LOXL2: variants seen among roughly 807,000 people sequenced by gnomAD.
LOXL2 encodes lysyl oxidase like 2.
LOXL2 carries 70 observed loss-of-function variants against 93.0 expected under a neutral mutation model. The ratio of observed to expected loss-of-function variants is 0.75; its 90% CI spans 0.62 to 0.92. LOXL2 has a LOEUF of 0.92. Ranked by LOEUF, LOXL2 falls within the 40% of genes least tolerant of loss-of-function variation. LOXL2 has a pLI of 0.00. For missense variants in LOXL2, 973 were observed against 1,054.9 expected, an observed-to-expected ratio of 0.92 and a Z score of 1.08; for synonymous variants, 438 against 413.2, an observed-to-expected ratio of 1.06 and a Z score of -0.73.
At chr8:23,301,898 G>A in intron 12 of LOXL2, 129 bp downstream of exon 12, 1 of 1,143,716 alleles carries the variant, frequency 8.7e-7, no homozygotes. Context: ...ATGGCCTCTG[G>A]GGGTAGCACC....
chr8:23,357,076 T>G (rs78575657), intron 3 of LOXL2, among the ~76,000 whole-genome samples: 2 of 148,084 alleles, frequency 1.4e-5, no homozygotes, highest in Admixed American at 1.3e-4. Context: ...CAGTCTTCTT[T>G]TTTTTTTTTT....
intron 10 of LOXL2, among the ~76,000 whole-genome samples, chr8:23,305,935 C>T (rs1803223254): frequency 1.3e-5 from 2 of 152,022 alleles, no homozygotes; most frequent in South Asian, 4.2e-4. Flanking sequence ...CCTCAGCCTC[C>T]CGAGTAGCTG....
At chr8:23,402,186 T>A (rs1800160142) in intron 1 of LOXL2, among the ~76,000 whole-genome samples, 1 of 151,886 alleles carries the variant, frequency 6.6e-6, no homozygotes, top group African/African-American at 2.4e-5. Context: ...CACACACACG[T>A]GCCCGCGCAC....
At chr8:23,303,441 A>G (rs1470763697) in intron 10 of LOXL2, 44 bp from the exon 11 acceptor site, 3 of 1,170,162 alleles carry the variant, frequency 2.6e-6, no homozygotes. Context: ...TTCTGGAGCA[A>G]CTGCTGCTTG....
chr8:23,403,243 C>G (rs6987615), intron 1 of LOXL2, among the ~76,000 whole-genome samples: 13,253 of 152,196 alleles, frequency 0.087, 611 homozygotes, highest in South Asian at 0.17. Flanking sequence ...CGTGCCCGTT[C>G]TTTCCAACTC....
rs181447383 is a variant in LOXL2, at chr8:23,303,935, G to T, written c.1881-538C>A. Among the ~76,000 whole-genome samples the T allele has an allele frequency of 2.4e-3, 361 of 152,354 alleles. 2 individuals carry two copies. The highest frequency in any genetic ancestry group is 0.013 in the South Asian group (64 of 4,830). On this transcript the variant is annotated intron_variant, in intron 10 of 13. Transcript: ENST00000389131. Reference sequence around the variant, plus strand: ...GGAATAGAACATGTGCCCTGCACAGGACACACACAGGTACCCCAAGGTCGT... The same window carrying T: ...GGAATAGAACATGTGCCCTGCACAGTACACACACAGGTACCCCAAGGTCGT...
Position 23,366,939 on chromosome 8 carries a change from G to A in LOXL2, c.355+1058C>T, listed in dbSNP as rs78371177. On this transcript the variant is annotated intron_variant, in intron 2 of 13. Coordinates refer to ENST00000389131, the MANE Select transcript of LOXL2 (RefSeq NM_002318.3). ...GAAAATGAGGCTGGAGAGGACATGC[G>A]TCTTCCTACAAAGTGTGGTGTCAGA... Among the ~76,000 whole-genome samples, 1,078 of 152,318 alleles carry A rather than the reference G, an allele frequency of 7.1e-3. 45 individuals carry two copies. The highest frequency in any genetic ancestry group is 0.055 in the Admixed American group (834 of 15,294).
At chr8:23,381,857 G>A (rs912361867) in intron 1 of LOXL2, among the ~76,000 whole-genome samples, 7 of 152,198 alleles carry the variant, frequency 4.6e-5, no homozygotes, top group African/African-American at 1.7e-4. Flanking sequence ...CACGTAACTG[G>A]GTGTTATAGG....
rs1196423417 is a variant in LOXL2, at chr8:23,298,063, T to G, written c.2305A>C (p.Asn769His). 3.1e-6 allele frequency: 5 copies of G among 1,613,906 alleles called. No individual in the cohort carries two copies. Among genetic ancestry groups the G allele is most frequent in the Non-Finnish European group, 4.2e-6 (5 of 1,180,006 alleles). The change falls in exon 14 of 14, where the codon AAC becomes CAC. Residue 769 changes from asparagine to histidine, a missense_variant. Physicochemically the swap from Asn to His is moderately conservative, Grantham distance 68. Transcript: ENST00000389131. ...KFEHFSGLLN[N>H]QLSPQ ...CTTCTTTACTGCGGGGACAGCTGGT[T>G]GTTTAAGAGCCCGCTGAAGTGCTCA...
chr8:23,317,143 G>GA lies in LOXL2; in HGVS notation c.1471-30_1471-29insT, dbSNP rs200898540. The GA allele has an allele frequency of 8.1e-4, 1,307 of 1,608,094 alleles. 9 individuals carry two copies. In the African/African-American group the frequency reaches 0.014, roughly 17 times the overall value. On this transcript the variant is annotated intron_variant, in intron 8 of 13. Coordinates refer to ENST00000389131, the MANE Select transcript of LOXL2 (RefSeq NM_002318.3). Reference sequence around the variant, plus strand: ...GAAGAACCAACAAAACAAATGGTGGGTACATCATCTCAAACTGTCACTTTC... The same window carrying GA: ...GAAGAACCAACAAAACAAATGGTGGGATACATCATCTCAAACTGTCACTTTC...
intron 3 of LOXL2, among the ~76,000 whole-genome samples, chr8:23,353,306 G>C (rs1358206684): frequency 6.6e-6 from 1 of 152,170 alleles, no homozygotes; most frequent in African/African-American, 2.4e-5. Flanking sequence ...GGCTCTGTTT[G>C]CCAGGTTTAA....
chr8:23,376,018 G>T (rs1029431579), intron 1 of LOXL2, among the ~76,000 whole-genome samples: 7 of 152,136 alleles, frequency 4.6e-5, no homozygotes, highest in African/African-American at 1.7e-4. Flanking sequence ...TCTTGTGCCA[G>T]TTTTCAAAGG....
At position 23,297,724 on chromosome 8, in the gene LOXL2, TG is replaced by T; in HGVS notation, c.*318del. On this transcript the variant is annotated 3_prime_UTR_variant, in exon 14 of 14. Transcript: ENST00000389131. ...TGTGTCTGTGGTGAGCTCGGTGGCT[TG>T]AATGGGACAAGCTGATGACAACCTG... 2 of 212,326 alleles carry T rather than the reference TG, an allele frequency of 9.4e-6. No homozygotes were observed. Among genetic ancestry groups the T allele is most frequent in the South Asian group, 1.4e-4 (1 of 7,014 alleles). The allele number at this position is 212,326 out of a possible 1,614,324, so 13.2% of individuals were successfully genotyped here.
intron 1 of LOXL2, among the ~76,000 whole-genome samples, chr8:23,370,457 A>G (rs2117215896): frequency 6.6e-6 from 1 of 152,338 alleles, no homozygotes; most frequent in South Asian, 2.1e-4. Context: ...CTGCTCAGCA[A>G]CACATCTGCC....
At chr8:23,401,421 A>G (rs1184514050) in intron 1 of LOXL2, among the ~76,000 whole-genome samples, 2 of 152,202 alleles carry the variant, frequency 1.3e-5, no homozygotes, top group Non-Finnish European at 2.9e-5. Flanking sequence ...AGGTCTAAAT[A>G]TGGCATCATA....
rs532749252 is a variant in LOXL2, at chr8:23,330,143, G to A, written c.967-1578C>T. ...GATTGAGACCATCCTGGCTAACATG[G>A]TGAAACCCCGTCTCTACTAAAAAAC... On this transcript the variant is annotated intron_variant, in intron 5 of 13. Transcript: ENST00000389131. Among the ~76,000 whole-genome samples the A allele has an allele frequency of 3.9e-5, 6 of 152,128 alleles. No homozygotes were observed. The East Asian group carries it at 9.7e-4, about 25-fold the overall frequency.
chr8:23,310,285 T>G (rs1396601530), intron 9 of LOXL2, among the ~76,000 whole-genome samples: 1 of 152,180 alleles, frequency 6.6e-6, no homozygotes, highest in East Asian at 1.9e-4. Context: ...TGGCTTCAAG[T>G]TTTCCATAAT....
chr8:23,401,009 CAAG>C (rs1000155802), intron 1 of LOXL2, among the ~76,000 whole-genome samples: 6 of 152,232 alleles, frequency 3.9e-5, no homozygotes, highest in East Asian at 1.9e-4. Context: ...AAGCCTGAGC[CAAG>C]AAGAACTCTT....
At chr8:23,376,780 G>A (rs555209527) in intron 1 of LOXL2, among the ~76,000 whole-genome samples, 1 of 152,260 alleles carries the variant, frequency 6.6e-6, no homozygotes, top group East Asian at 1.9e-4. Context: ...GGGATCAGTG[G>A]CGATATCCCC....
Sources: gnomAD v4.1 joint callset for allele counts (sites outside exome capture counted in the v4.1 genomes callset) on GRCh38, gnomAD v4.1.1 for gene constraint, MANE v1.5 for transcripts, NCBI Gene and HGNC (gene_info 2026-07-23, HGNC 2026-07-21) for gene names.